SNTG1: variants seen among roughly 807,000 people sequenced by gnomAD.
The protein encoded by SNTG1 is syntrophin gamma 1, also known as gamma-1-syntrophin.
SNTG1 carries 39 observed loss-of-function variants against 74.7 expected under a neutral mutation model. That is an observed-to-expected ratio of 0.52 (90% CI 0.40 to 0.68). The LOEUF (loss-of-function observed/expected upper bound fraction) is 0.68. Ranked by LOEUF, SNTG1 falls within the 30% of genes least tolerant of loss-of-function variation. The pLI, the probability that SNTG1 is intolerant of heterozygous loss-of-function variation, is 0.00. For missense variants in SNTG1, 685 were observed against 609.5 expected, an observed-to-expected ratio of 1.12 and a Z score of -1.30; for synonymous variants, 254 against 217.1, an observed-to-expected ratio of 1.17 and a Z score of -1.49.
At chr8:50,714,430 T>C (rs1203835316) in intron 17 of SNTG1, among the ~76,000 whole-genome samples, 1 of 152,050 alleles carries the variant, frequency 6.6e-6, no homozygotes, top group Non-Finnish European at 1.5e-5. Context: ...TCCATGTTCA[T>C]GGATAGGAAG....
At chr8:50,029,406 G>A (rs1048612341) in intron 1 of SNTG1, among the ~76,000 whole-genome samples, 3 of 151,610 alleles carry the variant, frequency 2.0e-5, no homozygotes, top group Non-Finnish European at 4.4e-5. Flanking sequence ...ATCAACTAAA[G>A]TCACTCTGCT....
intron 2 of SNTG1, among the ~76,000 whole-genome samples, chr8:50,358,069 C>A (rs1011472171): frequency 1.3e-5 from 2 of 152,104 alleles, no homozygotes; most frequent in South Asian, 4.1e-4. Flanking sequence ...TAATGTGAAT[C>A]TCTTCCAAAT....
chr8:49,927,056 A>C (rs912451024), intron 1 of SNTG1, among the ~76,000 whole-genome samples: 1 of 152,090 alleles, frequency 6.6e-6, no homozygotes, highest in South Asian at 2.1e-4. Context: ...ACTGCACAAC[A>C]AAAAAATTAG....
chr8:50,784,122 G>C (rs1231109490), intron 18 of SNTG1, among the ~76,000 whole-genome samples: 1 of 152,160 alleles, frequency 6.6e-6, no homozygotes, highest in Non-Finnish European at 1.5e-5. Flanking sequence ...CAGTTCGCCA[G>C]TAGGCTTTCA....
intron 1 of SNTG1, among the ~76,000 whole-genome samples, chr8:50,147,661 T>C (rs1024228230): frequency 6.6e-5 from 10 of 152,200 alleles, no homozygotes; most frequent in African/African-American, 2.4e-4. Context: ...GGGATTGACT[T>C]TGAAGCTCAT....
chr8:50,402,372 T>G, intron 4 of SNTG1, 28 bp downstream of exon 4: 1 of 1,562,740 alleles, frequency 6.4e-7, no homozygotes, highest in East Asian at 2.3e-5. Context: ...CTGTTGAAAT[T>G]TTTTGTGTTT....
intron 1 of SNTG1, among the ~76,000 whole-genome samples, chr8:49,928,316 T>C (rs1807232827): frequency 6.6e-6 from 1 of 151,170 alleles, no homozygotes. Flanking sequence ...TTGCAACCTC[T>C]GCCTCCTGGG....
In SNTG1 at chr8:50,551,200, A is replaced by G. The variant is rs183437915; in HGVS notation, c.681-1850A>G. Among the ~76,000 whole-genome samples, 254 of 152,248 alleles carry G rather than the reference A, an allele frequency of 1.7e-3. 2 individuals are homozygous for G. The highest frequency in any genetic ancestry group is 5.2e-3 in the African/African-American group (217 of 41,562). On this transcript the variant is annotated intron_variant, in intron 11 of 18. Transcript: ENST00000642720. ...GTAATTTTTATGATCAACTTATACTATAAGAGGTCATATGTAATAAAAAAA... is the reference window on the plus strand; with the variant it reads ...GTAATTTTTATGATCAACTTATACTGTAAGAGGTCATATGTAATAAAAAAA...
At chr8:50,698,742 T>C (rs1303593687) in intron 15 of SNTG1, among the ~76,000 whole-genome samples, 1 of 152,124 alleles carries the variant, frequency 6.6e-6, no homozygotes, top group Admixed American at 6.5e-5. Flanking sequence ...CATGGGACAC[T>C]TCCCAGAGCA....
At chr8:49,945,656 G>A (rs1809112777) in intron 1 of SNTG1, among the ~76,000 whole-genome samples, 3 of 152,288 alleles carry the variant, frequency 2.0e-5, no homozygotes, top group South Asian at 4.1e-4. Flanking sequence ...CAGGGCCCAG[G>A]CTAAAGGGGC....
intron 5 of SNTG1, among the ~76,000 whole-genome samples, chr8:50,438,919 G>T (rs866010109): frequency 7.2e-5 from 11 of 152,138 alleles, no homozygotes; most frequent in African/African-American, 2.2e-4. Flanking sequence ...AGTAGGAAAT[G>T]ATGATCTGCA....
intron 8 of SNTG1, among the ~76,000 whole-genome samples, chr8:50,493,504 T>C (rs1264115391): frequency 6.6e-6 from 1 of 152,150 alleles, no homozygotes; most frequent in East Asian, 1.9e-4. Context: ...CTTCAATTAG[T>C]GTATTAAATG....
intron 8 of SNTG1, among the ~76,000 whole-genome samples, chr8:50,466,276 A>C (rs1211139519): frequency 6.6e-6 from 1 of 152,072 alleles, no homozygotes; most frequent in East Asian, 1.9e-4. Flanking sequence ...ATGACTTTCT[A>C]ATAGTTTCAG....
intron 18 of SNTG1, 83 bp from the exon 19 acceptor site, chr8:50,792,588 A>G (rs900150687): frequency 6.4e-5 from 87 of 1,364,706 alleles, no homozygotes; most frequent in Middle Eastern, 4.7e-4. Flanking sequence ...AAGTGTATTG[A>G]AATTGAAAAA....
At chr8:49,910,482 T>G (rs1328134758), upstream of SNTG1, among the ~76,000 whole-genome samples, 1 of 152,184 alleles carries the variant, frequency 6.6e-6, no homozygotes, top group Non-Finnish European at 1.5e-5. Context: ...AAGGTCCACA[T>G]GGCCCTGGTT....
At chr8:50,653,726 A>G (rs1009396612) in intron 13 of SNTG1, among the ~76,000 whole-genome samples, 3 of 152,218 alleles carry the variant, frequency 2.0e-5, no homozygotes, top group Non-Finnish European at 4.4e-5. Context: ...TTTTTACTTT[A>G]CAACAGTGGC....
At chr8:50,030,897 A>T (rs1308845715) in intron 1 of SNTG1, among the ~76,000 whole-genome samples, 1 of 151,940 alleles carries the variant, frequency 6.6e-6, no homozygotes, top group East Asian at 1.9e-4. Flanking sequence ...TTTTGGTAAG[A>T]ATTATGTTAA....
At chr8:49,954,772 C>T (rs1010789972) in intron 1 of SNTG1, among the ~76,000 whole-genome samples, 2 of 152,032 alleles carry the variant, frequency 1.3e-5, no homozygotes, top group African/African-American at 2.4e-5. Context: ...AGCATATCGA[C>T]TTACTTATTG....
Position 50,074,847 on chromosome 8 carries a change from G to C in SNTG1, c.-102-97714G>C, listed in dbSNP as rs575782447. The stretch of plus-strand genomic sequence containing the variant: ...CAGAGCCAACTCCCTCTGCTTGCGA[G>C]GGAGTGGGGAAGGACAGGTACCTGA... On this transcript the variant is annotated intron_variant, in intron 1 of 18. Transcript: ENST00000642720. 9.2e-5 allele frequency among the ~76,000 whole-genome samples: 14 copies of C among 152,258 alleles called. No individual in the cohort carries two copies. In the South Asian group the frequency reaches 2.9e-3, roughly 32 times the overall value.
Sources: gnomAD v4.1 joint callset for allele counts (sites outside exome capture counted in the v4.1 genomes callset) on GRCh38, gnomAD v4.1.1 for gene constraint, MANE v1.5 for transcripts, NCBI Gene and HGNC (gene_info 2026-07-23, HGNC 2026-07-21) for gene names.